Variants in NFYC observed in about 807,000 individuals in gnomAD.
The protein encoded by NFYC is CAAT box DNA-binding protein subunit C.
In NFYC, 25 loss-of-function variants were observed where a neutral mutation model predicts 53.1. The ratio of observed to expected loss-of-function variants is 0.47; its 90% CI spans 0.34 to 0.66. The LOEUF (loss-of-function observed/expected upper bound fraction) is 0.66. Among genes scored for constraint, NFYC ranks in the 30% least tolerant of loss-of-function variants. The pLI, the probability that NFYC is intolerant of heterozygous loss-of-function variation, is 0.01. For synonymous variants in NFYC, 145 were observed against 152.6 expected (o/e 0.95, Z 0.37); for missense variants, 260 against 422.7 (o/e 0.62, Z 3.38).
intron 1 of NFYC, chr1:40,735,759 C>T (rs1416179726): frequency 1.3e-5 from 13 of 984,772 alleles, no homozygotes; most frequent in Non-Finnish European, 1.6e-5. Flanking sequence ...AGGTTAGATT[C>T]TTTTAAAGCT....
chr1:40,741,184 T>G (rs1014280295), intron 2 of NFYC, among the ~76,000 whole-genome samples: 6 of 151,834 alleles, frequency 4.0e-5, no homozygotes, highest in Non-Finnish European at 7.4e-5. Flanking sequence ...CAACTTAATG[T>G]TTTTTTTCCA....
chr1:40,729,732 A>G (rs1192574821), intron 1 of NFYC, among the ~76,000 whole-genome samples: 1 of 148,926 alleles, frequency 6.7e-6, no homozygotes, highest in Non-Finnish European at 1.5e-5. Flanking sequence ...CTGGAGTGCA[A>G]TGGTACGATC....
At chr1:40,742,214 CCTT>C (rs1162038977) in intron 2 of NFYC, among the ~76,000 whole-genome samples, 29 of 151,642 alleles carry the variant, frequency 1.9e-4, no homozygotes, top group Non-Finnish European at 1.5e-5. Flanking sequence ...TCTGGCCTAT[CCTT>C]TTTTTTTTTT....
Position 40,737,333 on chromosome 1 carries a change from CT to C in NFYC, c.-8-1490del, listed in dbSNP as rs112649877. 6.9e-4 allele frequency among the ~76,000 whole-genome samples: 98 copies of C among 142,644 alleles called. 1 individual carries two copies. The South Asian group carries it at 8.2e-3, about 12-fold the overall frequency. 93.6% of individuals were successfully genotyped at this position (142,644 alleles called of 152,430 possible). ...TTTCTCTATCCTAATTTTAATTCTA[CT>C]TTTTTTTTTTTTGCGATGGAGTCTT... On this transcript the variant is annotated intron_variant, in intron 1 of 9. Transcript: ENST00000447388.
chr1:40,693,881 C>G (rs751309563), intron 1 of NFYC, among the ~76,000 whole-genome samples: 2 of 152,206 alleles, frequency 1.3e-5, no homozygotes, highest in Non-Finnish European at 2.9e-5. Flanking sequence ...TCTTGTGCTG[C>G]TTAAGGATTC....
At chr1:40,719,682 G>A (rs1442626177) in intron 1 of NFYC, among the ~76,000 whole-genome samples, 1 of 152,156 alleles carries the variant, frequency 6.6e-6, no homozygotes, top group Non-Finnish European at 1.5e-5. Flanking sequence ...GAAAACGAAA[G>A]GTAAAAAGGC....
chr1:40,692,923 T>C (rs1356989404), intron 1 of NFYC, among the ~76,000 whole-genome samples: 5 of 152,162 alleles, frequency 3.3e-5, no homozygotes, highest in Non-Finnish European at 7.4e-5. Context: ...TTTTGAGATG[T>C]TGTATATGAA....
intron 5 of NFYC, chr1:40,754,311 C>G (rs777642922): frequency 1.7e-5 from 9 of 534,252 alleles, no homozygotes; most frequent in South Asian, 1.3e-4. Context: ...TCTGTCACCT[C>G]CTTACTAGAG....
chr1:40,717,344 T>C (rs564878580), intron 1 of NFYC, among the ~76,000 whole-genome samples: 2 of 152,212 alleles, frequency 1.3e-5, no homozygotes, highest in Non-Finnish European at 2.9e-5. Context: ...TAAGAATTAA[T>C]ATTCTTTATT....
chr1:40,767,323 C>A, intron 8 of NFYC: 1 of 301,718 alleles, frequency 3.3e-6, no homozygotes, highest in Non-Finnish European at 6.4e-6. Flanking sequence ...CCAAAAAAAG[C>A]AGCGATCGTT....
chr1:40,693,539 G>T (rs1291345874), intron 1 of NFYC, among the ~76,000 whole-genome samples: 1 of 152,162 alleles, frequency 6.6e-6, no homozygotes, highest in Admixed American at 6.5e-5. Flanking sequence ...TCTGGAGAAG[G>T]GAATTGATAA....
chr1:40,738,055 A>C (rs771613187), intron 1 of NFYC, among the ~76,000 whole-genome samples: 46 of 151,892 alleles, frequency 3.0e-4, no homozygotes, highest in Middle Eastern at 3.4e-3. Context: ...GGCGCCCGCC[A>C]CTACGCCCGG....
At chr1:40,753,812 A>G (rs968085748) in intron 5 of NFYC, among the ~76,000 whole-genome samples, 6 of 152,180 alleles carry the variant, frequency 3.9e-5, no homozygotes, top group Admixed American at 6.5e-5. Flanking sequence ...AACTCCCTGG[A>G]TGCTTTTAAT....
At chr1:40,763,115 G>GAT (rs568061132) in intron 7 of NFYC, 69 bp downstream of exon 7, 115 of 1,321,752 alleles carry the variant, frequency 8.7e-5, no homozygotes, top group African/African-American at 4.8e-4. Context: ...TATATACCTT[G>GAT]ATATATATAT....
chr1:40,713,294 C>G (rs1030761696), intron 1 of NFYC, among the ~76,000 whole-genome samples: 8 of 152,198 alleles, frequency 5.3e-5, no homozygotes, highest in African/African-American at 1.4e-4. Context: ...TGTCTGCTTC[C>G]TATCTGTGCA....
At chr1:40,738,244 G>A (rs749900742) in intron 1 of NFYC, among the ~76,000 whole-genome samples, 19 of 152,132 alleles carry the variant, frequency 1.2e-4, no homozygotes, top group Non-Finnish European at 2.4e-4. Flanking sequence ...ATGTTGCCCA[G>A]GCTGTCTTGA....
intron 2 of NFYC, among the ~76,000 whole-genome samples, chr1:40,745,590 G>C (rs963584763): frequency 2.6e-5 from 4 of 152,120 alleles, no homozygotes; most frequent in South Asian, 4.1e-4. Context: ...CTCTCTCTCT[G>C]TCTTTGTTGT....
chr1:40,762,429 T>C (rs1470821208), intron 6 of NFYC, among the ~76,000 whole-genome samples: 1 of 152,248 alleles, frequency 6.6e-6, no homozygotes, highest in African/African-American at 2.4e-5. Context: ...GTGTCTTACA[T>C]GCCTAAGAAA....
At chr1:40,728,208 C>T (rs1416463810) in intron 1 of NFYC, among the ~76,000 whole-genome samples, 2 of 152,154 alleles carry the variant, frequency 1.3e-5, no homozygotes, top group African/African-American at 4.8e-5. Flanking sequence ...GCCACTGTGC[C>T]CGGCCATGTA....
Sources: gnomAD v4.1 joint callset for allele counts (sites outside exome capture counted in the v4.1 genomes callset) on GRCh38, gnomAD v4.1.1 for gene constraint, MANE v1.5 for transcripts, NCBI Gene and HGNC (gene_info 2026-07-23, HGNC 2026-07-21) for gene names.